FLT1: variants seen among roughly 807,000 people sequenced by gnomAD.
The protein encoded by FLT1 is vascular endothelial growth factor receptor 1.
A neutral mutation model predicts 156.3 loss-of-function variants in FLT1; 49 were observed. That is an observed-to-expected ratio of 0.31 (90% CI 0.25 to 0.40). The LOEUF is 0.40. Among genes scored for constraint, FLT1 ranks in the 10% least tolerant of loss-of-function variants. The pLI is 1.00. For synonymous variants in FLT1, 594 were observed against 583.8 expected, an observed-to-expected ratio of 1.02 and a Z score of -0.25; for missense variants, 1,322 against 1,637.2, an observed-to-expected ratio of 0.81 and a Z score of 3.32.
Position 28,431,168 on chromosome 13 carries a change from A to T in FLT1, c.956T>A (p.Phe319Tyr), listed in dbSNP as rs547950624. ...YTCRVRSGPS[F>Y]KSVNTSVHIY... ...ATGCACTGAGGTGTTAACAGATTTG[A>T]ATGATGGTCCACTCCTTACACGACA... The change falls in exon 7 of 30, where the codon TTC becomes TAC. Residue 319 changes from phenylalanine to tyrosine, a missense_variant. This residue lies in a region of FLT1 where 991 missense variants were observed against 1,254.8 expected (regional missense o/e 0.79). Coordinates refer to ENST00000282397, the MANE Select transcript of FLT1 (RefSeq NM_002019.4). 1 of 1,613,894 alleles carries T rather than the reference A, an allele frequency of 6.2e-7. No individual in the cohort carries two copies. Among genetic ancestry groups the T allele is most frequent in the Non-Finnish European group, 8.5e-7 (1 of 1,179,784 alleles).
At chr13:28,358,701 AAC>A (rs1379756866) in intron 14 of FLT1, among the ~76,000 whole-genome samples, 1 of 152,196 alleles carries the variant, frequency 6.6e-6, no homozygotes, top group East Asian at 1.9e-4. Flanking sequence ...ATTCCTACCA[AAC>A]ACACACATTT....
Position 28,327,653 on chromosome 13 carries a change from T to TTG in FLT1, c.2708-104_2708-103insCA, listed in dbSNP as rs1221157399. On this transcript the variant is annotated intron_variant, in intron 19 of 29. Coordinates refer to ENST00000282397, the MANE Select transcript of FLT1 (RefSeq NM_002019.4). ...GAAACCTCAAACCAACCAGCCTTTGTATTAGTGGGGCGAAGGGATGCGATT... is the reference window on the plus strand; with the variant it reads ...GAAACCTCAAACCAACCAGCCTTTGTTGATTAGTGGGGCGAAGGGATGCGATT... 9.1e-5 allele frequency: 71 copies of TTG among 778,558 alleles called. No individual in the cohort carries two copies. The African/African-American group carries it at 1.0e-3, about 11-fold the overall frequency. The allele number at this position is 778,558 out of a possible 1,614,324, so 48.2% of individuals were successfully genotyped here.
chr13:28,481,569 C>T (rs1420875641), intron 1 of FLT1, among the ~76,000 whole-genome samples: 4 of 152,154 alleles, frequency 2.6e-5, no homozygotes. Context: ...GATATGATTT[C>T]AGTCAGTTCA....
At chr13:28,444,334 G>A (rs534387143) in intron 3 of FLT1, among the ~76,000 whole-genome samples, 73 of 152,208 alleles carry the variant, frequency 4.8e-4, no homozygotes, top group African/African-American at 1.7e-3. Context: ...TCAACTACTC[G>A]GGAGGCTGAG....
intron 3 of FLT1, among the ~76,000 whole-genome samples, chr13:28,444,166 G>A (rs185757440): frequency 4.5e-4 from 69 of 152,308 alleles, no homozygotes; most frequent in African/African-American, 1.5e-3. Flanking sequence ...AGTGGGCTAG[G>A]CATAGTGGCT....
rs1367587162 is a variant in FLT1, at chr13:28,467,147, A to G, written c.162-18T>C. The stretch of plus-strand genomic sequence containing the variant: ...CTTCCCCCCTGCAATCACAGATAAG[A>G]AAACAAAACATATTTATGGCTGGGC... On this transcript the variant is annotated intron_variant, in intron 2 of 29. Coordinates refer to ENST00000282397, the MANE Select transcript of FLT1 (RefSeq NM_002019.4). The G allele has an allele frequency of 6.3e-7, 1 of 1,582,888 alleles. No individual in the cohort carries two copies. The highest frequency in any genetic ancestry group is 1.7e-5 in the Admixed American group (1 of 59,992).
At chr13:28,436,506 A>G (rs1403782690) in intron 4 of FLT1, among the ~76,000 whole-genome samples, 1 of 152,148 alleles carries the variant, frequency 6.6e-6, no homozygotes, top group Non-Finnish European at 1.5e-5. Flanking sequence ...GGCAGAAAAA[A>G]CAGTAAATAG....
intron 1 of FLT1, among the ~76,000 whole-genome samples, chr13:28,481,496 G>A (rs928970427): frequency 7.4e-5 from 11 of 149,104 alleles, no homozygotes; most frequent in Admixed American, 7.3e-4. Flanking sequence ...CACGTACTTA[G>A]AAGGTGAACC....
chr13:28,480,238 T>C (rs1412585389), intron 1 of FLT1, among the ~76,000 whole-genome samples: 1 of 152,246 alleles, frequency 6.6e-6, no homozygotes, highest in Non-Finnish European at 1.5e-5. Flanking sequence ...TTACCTTGTT[T>C]ATTTTTCCAT....
At position 28,430,133 on chromosome 13, in the gene FLT1, C is replaced by A. The variant is rs766260449; in HGVS notation, c.1023G>T (p.Gln341His). 1.9e-6 allele frequency: 3 copies of A among 1,613,708 alleles called. No individual in the cohort carries two copies. The highest frequency in any genetic ancestry group is 2.5e-6 in the Non-Finnish European group (3 of 1,179,634). Residue 341 changes from glutamine (Q) to histidine (H), a missense_variant, in exon 8 of 30, where the codon CAG becomes CAT. By Grantham distance (24) the Gln-to-His change is conservative. Around this residue, in one of 3 missense-constraint regions of FLT1, gnomAD observed 991 missense variants for 1,254.8 expected, o/e 0.79. Coordinates refer to ENST00000282397, the MANE Select transcript of FLT1 (RefSeq NM_002019.4). The part of the protein sequence containing the change: ...KAFITVKHRK[Q>H]QVLETVAGKR... ...TGCCAGCTACGGTTTCAAGCACCTG[C>A]TGTTTTCGATGTTTCACAGTGATGA...
chr13:28,334,060 G>C lies in FLT1; in HGVS notation c.2558C>G (p.Pro853Arg). 6.2e-7 allele frequency: 1 copy of C among 1,613,604 alleles called. No homozygotes were observed. Among genetic ancestry groups the C allele is most frequent in the South Asian group, 1.1e-5 (1 of 91,066 alleles). Reference sequence around the variant, plus strand: ...TTTCACAGCCACAGTCCGGCACGTAGGTGATTTCTTAATGCCAAATGCTGA... The same window carrying C: ...TTTCACAGCCACAGTCCGGCACGTACGTGATTTCTTAATGCCAAATGCTGA... ...QASAFGIKKS[P>R]TCRTVAVKML... The change falls in exon 18 of 30, where the codon CCT becomes CGT. Residue 853 changes from proline to arginine, a missense_variant. Coordinates refer to ENST00000282397, the MANE Select transcript of FLT1 (RefSeq NM_002019.4).
intron 16 of FLT1, among the ~76,000 whole-genome samples, chr13:28,342,537 AGCCTGATGTTAAACATTT>A (rs1260919079): frequency 1.3e-5 from 2 of 152,166 alleles, no homozygotes; most frequent in African/African-American, 4.8e-5. Context: ...AAATGGCAAA[AGCCTGATGTTAAACATTT>A]ACCATAGAGG....
intron 11 of FLT1, chr13:28,399,108 G>T (rs1875260021): frequency 3.9e-6 from 6 of 1,549,978 alleles, no homozygotes; most frequent in Non-Finnish European, 5.2e-6. Context: ...AGAACTGTTA[G>T]CTGGTGGAAG....
intron 23 of FLT1, among the ~76,000 whole-genome samples, chr13:28,320,458 C>T (rs1045170649): frequency 4.6e-5 from 7 of 152,140 alleles, no homozygotes; most frequent in East Asian, 3.9e-4. Flanking sequence ...TCCTGGCCCG[C>T]GGGCCACATG....
chr13:28,332,939 C>T (rs2138844377), intron 18 of FLT1, among the ~76,000 whole-genome samples: 1 of 152,292 alleles, frequency 6.6e-6, no homozygotes, highest in Middle Eastern at 3.4e-3. Flanking sequence ...AAATACCTGC[C>T]TTCGTCTGGG....
chr13:28,326,537 T>C (rs1871689318), intron 20 of FLT1, among the ~76,000 whole-genome samples: 1 of 147,982 alleles, frequency 6.8e-6, no homozygotes, highest in Non-Finnish European at 1.5e-5. Flanking sequence ...TTTTTTTTTT[T>C]TTTTTTGAGA....
Position 28,412,373 on chromosome 13 carries a change from T to TTTCTTTCC in FLT1, c.1437-6480_1437-6479insGGAAAGAA, listed in dbSNP as rs1593762212. Among the ~76,000 whole-genome samples, 7 of 126,386 alleles carry TTTCTTTCC rather than the reference T, an allele frequency of 5.5e-5. No individual in the cohort carries two copies. The East Asian group carries it at 1.1e-3, about 21-fold the overall frequency. 82.9% of individuals were successfully genotyped at this position (126,386 alleles called of 152,430 possible). On this transcript the variant is annotated intron_variant, in intron 10 of 29. Transcript: ENST00000282397. ...TTCTCTTTCTTTCTTTCTTTCTTTC[T>TTTCTTTCC]TTCTTTCTTTCTTTCTTTCTTTCTT...
intron 11 of FLT1, among the ~76,000 whole-genome samples, chr13:28,397,745 A>G (rs1396490075): frequency 7.4e-6 from 1 of 134,618 alleles, no homozygotes; most frequent in Non-Finnish European, 1.6e-5. Flanking sequence ...GTCCTGAAGG[A>G]GACCGTGTGT....
At chr13:28,351,132 A>T (rs1872725208) in intron 15 of FLT1, among the ~76,000 whole-genome samples, 1 of 151,716 alleles carries the variant, frequency 6.6e-6, no homozygotes, top group African/African-American at 2.4e-5. Flanking sequence ...AACAAATCAG[A>T]TTTGGACCTA....
Sources: allele counts gnomAD v4.1 joint callset (sites outside exome capture counted in the v4.1 genomes callset), GRCh38; gene constraint gnomAD v4.1.1; regional missense constraint gnomAD v4.1.1; transcripts MANE v1.5; gene names NCBI Gene and HGNC (gene_info 2026-07-23, HGNC 2026-07-21).